Variants in DUSP13B observed in about 807,000 individuals in gnomAD.
DUSP13B encodes the protein dual specificity phosphatase 13B.
chr10:75,102,202 C>T, the DUSP13B span, among the ~76,000 whole-genome samples: 78 of 152,248 alleles, frequency 5.1e-4, no homozygotes, highest in African/African-American at 1.9e-3. Flanking sequence ...AGGGGCCGGG[C>T]GCGGTGGCTG....
At chr10:75,094,688 C>T in the DUSP13B span, 45 of 1,613,814 alleles carry the variant, frequency 2.8e-5, no homozygotes, top group South Asian at 4.2e-4. Flanking sequence ...AGAACCGCCC[C>T]GTCTCCCGCC....
chr10:75,106,345 T>C, the DUSP13B span, among the ~76,000 whole-genome samples: 1 of 152,030 alleles, frequency 6.6e-6, no homozygotes, highest in African/African-American at 2.4e-5. Flanking sequence ...TGCAGTTCCT[T>C]GAGGCTGCCA....
At chr10:75,105,556 C>A in the DUSP13B span, 12 of 1,142,842 alleles carry the variant, frequency 1.1e-5, no homozygotes, top group Middle Eastern at 2.9e-4. Flanking sequence ...CCACACACAG[C>A]CCTGCCAACC....
At chr10:75,101,140 G>A in the DUSP13B span, among the ~76,000 whole-genome samples, 2 of 152,324 alleles carry the variant, frequency 1.3e-5, no homozygotes, top group East Asian at 3.9e-4. Flanking sequence ...GGGAACAGCT[G>A]TGGGTCTCTG....
the DUSP13B span, among the ~76,000 whole-genome samples, chr10:75,105,377 T>A: frequency 1.3e-5 from 2 of 152,128 alleles, no homozygotes; most frequent in Non-Finnish European, 2.9e-5. Context: ...CGCATCCTAG[T>A]CCTTCTCTTC....
the DUSP13B span, chr10:75,105,619 C>T: frequency 1.3e-6 from 2 of 1,528,888 alleles, no homozygotes; most frequent in Non-Finnish European, 1.8e-6. Flanking sequence ...CACCTGGCCT[C>T]TTCCGGCCAA....
chr10:75,098,570 T>C, the DUSP13B span, among the ~76,000 whole-genome samples: 3 of 152,168 alleles, frequency 2.0e-5, no homozygotes, highest in African/African-American at 7.2e-5. Flanking sequence ...GAGACCAGCC[T>C]GGCCAATGAG....
chr10:75,104,046 G>T, the DUSP13B span: 1 of 1,363,138 alleles, frequency 7.3e-7, no homozygotes, highest in Non-Finnish European at 9.8e-7. Flanking sequence ...AGCAGGATCA[G>T]TGCCAGGGTG....
chr10:75,094,798 T>G, the DUSP13B span: 1 of 1,614,064 alleles, frequency 6.2e-7, no homozygotes, highest in African/African-American at 1.3e-5. Context: ...ACCAGCGTCA[T>G]GTTCTCACAG....
the DUSP13B span, among the ~76,000 whole-genome samples, chr10:75,100,242 T>C: frequency 6.6e-6 from 1 of 152,160 alleles, no homozygotes; most frequent in Non-Finnish European, 1.5e-5. Flanking sequence ...TGCATGCCTC[T>C]GCCTCCGAGG....
At chr10:75,105,700 T>A in the DUSP13B span, 2 of 1,550,984 alleles carry the variant, frequency 1.3e-6, no homozygotes, top group Admixed American at 3.9e-5. Flanking sequence ...CAGTTGCTGG[T>A]CCAGCCTGCA....
chr10:75,108,329 A>G, the DUSP13B span: 2 of 1,455,514 alleles, frequency 1.4e-6, no homozygotes, highest in East Asian at 2.4e-5. Context: ...GTCCAACCCC[A>G]GCAAGCTCCA....
the DUSP13B span, among the ~76,000 whole-genome samples, chr10:75,106,036 G>T: frequency 1.3e-5 from 2 of 151,802 alleles, no homozygotes; most frequent in African/African-American, 4.8e-5. Context: ...AAAATGGGTA[G>T]ATCAACACCT....
the DUSP13B span, among the ~76,000 whole-genome samples, chr10:75,100,560 TCCCCAGCTGGGTGAAGCACA>T: frequency 6.6e-6 from 1 of 152,114 alleles, no homozygotes; most frequent in Non-Finnish European, 1.5e-5. Flanking sequence ...TGTCTCCTTG[TCCCCAGCTGGGTGAAGCACA>T]GGCCCAACGT....
the DUSP13B span, among the ~76,000 whole-genome samples, chr10:75,107,742 A>G: frequency 6.6e-6 from 1 of 152,060 alleles, no homozygotes; most frequent in South Asian, 2.1e-4. Flanking sequence ...ATGCCCGGCT[A>G]ATATTTGTAT....
At chr10:75,109,042 TCCACACGGCTGCAAGAAGACTTCCCTG>T in the DUSP13B span, 1 of 1,611,660 alleles carries the variant, frequency 6.2e-7, no homozygotes, top group Middle Eastern at 1.7e-4. Context: ...CCAAACTTCG[TCCACACGGCTGCAAGAAGACTTCCCTG>T]CCCGCAGGAG....
chr10:75,099,002 GC>G, the DUSP13B span: 14 of 1,232,286 alleles, frequency 1.1e-5, no homozygotes, highest in Non-Finnish European at 1.4e-5. Flanking sequence ...CCACACACCT[GC>G]CTACAGGCCC....
chr10:75,101,922 T>C, the DUSP13B span: 628,902 of 1,367,442 alleles, frequency 0.46, 153,514 homozygotes, highest in East Asian at 0.91. Flanking sequence ...TTCGTGCTGC[T>C]GGCTTTCAGC....
chr10:75,097,881 C>T, the DUSP13B span: 10 of 1,602,270 alleles, frequency 6.2e-6, no homozygotes, highest in Non-Finnish European at 7.7e-6. Context: ...TGCAGTGAGT[C>T]CATCCTGGAA....
Sources: gnomAD v4.1 joint callset for allele counts (sites outside exome capture counted in the v4.1 genomes callset) on GRCh38, gnomAD v4.1.1 for gene constraint, MANE v1.5 for transcripts, NCBI Gene and HGNC (gene_info 2026-07-23, HGNC 2026-07-21) for gene names.